Variants in NIM1K observed in about 807,000 individuals in gnomAD.
NIM1K encodes NIM1 serine/threonine protein kinase.
A neutral mutation model predicts 37.1 loss-of-function variants in NIM1K; 35 were observed. That is an observed-to-expected ratio of 0.94 (90% CI 0.72 to 1.25). The LOEUF is 1.25. Ranked by LOEUF, NIM1K falls within the 50% of genes most tolerant of loss-of-function variation. The pLI, the probability that NIM1K is intolerant of heterozygous loss-of-function variation, is 0.00. For synonymous variants in NIM1K, 234 were observed against 206.6 expected (o/e 1.13, Z -1.14); for missense variants, 564 against 548.0 (o/e 1.03, Z -0.29).
At chr5:43,251,764 G>C (rs189002173) in intron 2 of NIM1K, among the ~76,000 whole-genome samples, 1 of 152,268 alleles carries the variant, frequency 6.6e-6, no homozygotes, top group Non-Finnish European at 1.5e-5. Flanking sequence ...GGCCAAAAAT[G>C]GTTGTTGCCA....
chr5:43,265,805 G>A (rs1753138500), intron 2 of NIM1K, among the ~76,000 whole-genome samples: 1 of 152,154 alleles, frequency 6.6e-6, no homozygotes, highest in African/African-American at 2.4e-5. Flanking sequence ...TGGGATTTTG[G>A]TGTGGATGTC....
intron 1 of NIM1K, among the ~76,000 whole-genome samples, chr5:43,237,709 C>CA (rs1250167743): frequency 6.6e-6 from 1 of 152,078 alleles, no homozygotes; most frequent in Non-Finnish European, 1.5e-5. Context: ...AAAAATTATG[C>CA]AAAATAAAAA....
chr5:43,192,978 G>A (rs962255236), intron 1 of NIM1K: 5 of 152,236 alleles, frequency 3.3e-5, no homozygotes, highest in Non-Finnish European at 7.3e-5. Context: ...ATGTGGCCCA[G>A]GAGAACAAAA....
At chr5:43,259,555 T>C (rs1752997481) in intron 2 of NIM1K, among the ~76,000 whole-genome samples, 1 of 152,236 alleles carries the variant, frequency 6.6e-6, no homozygotes, top group Admixed American at 6.5e-5. Context: ...TTTTTCCATA[T>C]GTTTGTTGGC....
At chr5:43,268,813 C>A (rs1448252685) in intron 2 of NIM1K, among the ~76,000 whole-genome samples, 1 of 152,118 alleles carries the variant, frequency 6.6e-6, no homozygotes. Context: ...TCTCCCAAAG[C>A]TAGCCAAGAC....
intron 1 of NIM1K, among the ~76,000 whole-genome samples, chr5:43,196,992 CCCAG>C: frequency 7.6e-6 from 1 of 131,400 alleles, no homozygotes; most frequent in South Asian, 2.6e-4. Context: ...CACTATGTTG[CCCAG>C]CCTGGTCTCA....
At chr5:43,200,444 G>T (rs1321448920) in intron 1 of NIM1K, among the ~76,000 whole-genome samples, 1 of 152,114 alleles carries the variant, frequency 6.6e-6, no homozygotes, top group African/African-American at 2.4e-5. Context: ...AGGACTACAG[G>T]TGCCCGCCTC....
At chr5:43,199,204 A>ATATATAT (rs1554012805) in intron 1 of NIM1K, among the ~76,000 whole-genome samples, 8 of 94,070 alleles carry the variant, frequency 8.5e-5, no homozygotes, top group African/African-American at 3.1e-4. Flanking sequence ...AAAAAAAAAA[A>ATATATAT]ATATATATAT....
intron 1 of NIM1K, among the ~76,000 whole-genome samples, chr5:43,215,835 T>C (rs1752291926): frequency 6.6e-6 from 1 of 152,246 alleles, no homozygotes; most frequent in African/African-American, 2.4e-5. Flanking sequence ...GGATTTACGT[T>C]ATTACTTACT....
At position 43,277,123 on chromosome 5, in the gene NIM1K, G is replaced by C; in HGVS notation, c.359G>C (p.Arg120Pro). 1 of 1,614,078 alleles carries C rather than the reference G, an allele frequency of 6.2e-7. No individual in the cohort carries two copies. Among genetic ancestry groups the C allele is most frequent in the Non-Finnish European group, 8.5e-7 (1 of 1,179,996 alleles). The part of the protein sequence containing the change: ...LDQKTQRLLS[R>P]EISSMEKLHH... Reference sequence around the variant, plus strand: ...CAGAAAACCCAGAGGCTACTATCCCGAGAAATCTCCAGCATGGAAAAGCTG... The same window carrying C: ...CAGAAAACCCAGAGGCTACTATCCCCAGAAATCTCCAGCATGGAAAAGCTG... Residue 120 changes from arginine (R) to proline (P), a missense_variant, in exon 3 of 4, where the codon CGA (arginine) becomes CCA (proline). Coordinates refer to ENST00000326035, the MANE Select transcript of NIM1K (RefSeq NM_153361.4).
intron 2 of NIM1K, among the ~76,000 whole-genome samples, chr5:43,254,724 A>G (rs1752915402): frequency 6.6e-6 from 1 of 152,154 alleles, no homozygotes; most frequent in Admixed American, 6.5e-5. Flanking sequence ...AAGATAGCCC[A>G]ATGGTTTTGT....
chr5:43,196,967 G>GT (rs1254679360), intron 1 of NIM1K, among the ~76,000 whole-genome samples: 1,293 of 73,894 alleles, frequency 0.017, 18 homozygotes, highest in African/African-American at 0.052. Flanking sequence ...TTTTTTTTTG[G>GT]TAAAGACAAG....
At chr5:43,219,976 C>T (rs1752358791) in intron 1 of NIM1K, among the ~76,000 whole-genome samples, 2 of 152,216 alleles carry the variant, frequency 1.3e-5, no homozygotes, top group African/African-American at 2.4e-5. Flanking sequence ...CCGCCCACCT[C>T]GGCCTCCCAA....
intron 1 of NIM1K, among the ~76,000 whole-genome samples, chr5:43,219,536 T>C (rs1272425172): frequency 6.6e-6 from 1 of 151,930 alleles, no homozygotes; most frequent in Non-Finnish European, 1.5e-5. Flanking sequence ...CCACCATACC[T>C]GTCCTGGGGA....
intron 2 of NIM1K, among the ~76,000 whole-genome samples, chr5:43,248,174 A>G (rs751849320): frequency 5.3e-5 from 8 of 152,218 alleles, no homozygotes; most frequent in Admixed American, 3.9e-4. Context: ...GAGGAGGGTT[A>G]GGGGGTTAGT....
intron 1 of NIM1K, among the ~76,000 whole-genome samples, chr5:43,209,077 G>A (rs1320892953): frequency 1.3e-5 from 2 of 152,234 alleles, no homozygotes; most frequent in South Asian, 2.1e-4. Flanking sequence ...TCTGCTGGAA[G>A]CGACTAACAC....
At position 43,280,286 on chromosome 5, in the gene NIM1K, G is replaced by A; in HGVS notation, c.868G>A (p.Val290Ile). The A allele has an allele frequency of 1.9e-6, 3 of 1,614,140 alleles. No homozygotes were observed. The highest frequency in any genetic ancestry group is 1.1e-5 in the South Asian group (1 of 91,076). ...GAGCATCCTCGAGGGCACATACAGT[G>A]TACCGCCGCACGTGTCAGAGCCCTG... ...KKSILEGTYS[V>I]PPHVSEPCHR... The change falls in exon 4 of 4, where the codon GTA (valine) becomes ATA (isoleucine). Residue 290 changes from valine (V) to isoleucine (I), a missense_variant. Val to Ile is a conservative substitution (Grantham distance 29). Transcript: ENST00000326035.
At position 43,246,822 on chromosome 5, in the gene NIM1K, T is replaced by C. The variant is rs1172947411; in HGVS notation, c.292+755T>C. Among the ~76,000 whole-genome samples, 6 of 152,280 alleles carry C rather than the reference T, an allele frequency of 3.9e-5. 1 individual carries two copies. In the Middle Eastern group the frequency reaches 0.02, roughly 518 times the overall value. On this transcript the variant is annotated intron_variant, in intron 2 of 3. Transcript: ENST00000326035. Reference sequence around the variant, plus strand: ...CCCTTCTGCTGCTCTGACCCCACTGTGGGCACTTCCCCAAGGTACCTGTAA... The same window carrying C: ...CCCTTCTGCTGCTCTGACCCCACTGCGGGCACTTCCCCAAGGTACCTGTAA...
intron 1 of NIM1K, among the ~76,000 whole-genome samples, chr5:43,235,687 T>C (rs1365773886): frequency 6.6e-6 from 1 of 152,228 alleles, no homozygotes; most frequent in Non-Finnish European, 1.5e-5. Flanking sequence ...GATGGTTAAA[T>C]AAACTTGGGG....
Sources: allele counts gnomAD v4.1 joint callset (sites outside exome capture counted in the v4.1 genomes callset), GRCh38; gene constraint gnomAD v4.1.1; transcripts MANE v1.5; gene names NCBI Gene and HGNC (gene_info 2026-07-23, HGNC 2026-07-21).